Variants in EYA3 observed in about 807,000 individuals in gnomAD.
EYA3 encodes the protein protein phosphatase EYA3.
A neutral mutation model predicts 80.0 loss-of-function variants in EYA3; 39 were observed. The observed-to-expected ratio is 0.49, with a 90% CI of 0.38 to 0.64. The LOEUF is 0.64. Among genes scored for constraint, EYA3 ranks in the 30% least tolerant of loss-of-function variants. The pLI is 0.00. For missense variants in EYA3, 523 were observed against 676.1 expected (o/e 0.77, Z 2.51); for synonymous variants, 206 against 232.8 (o/e 0.88, Z 1.05).
intron 8 of EYA3, among the ~76,000 whole-genome samples, chr1:28,015,906 AG>A (rs1171910632): frequency 1.3e-5 from 2 of 152,202 alleles, no homozygotes; most frequent in Admixed American, 6.5e-5. Flanking sequence ...TACTTCTGGA[AG>A]ACAAAGAGAC....
Position 28,069,548 on chromosome 1 carries a change from T to TA in EYA3, c.-68-11455dup, listed in dbSNP as rs11323301. 4.8e-3 allele frequency among the ~76,000 whole-genome samples: 534 copies of TA among 111,572 alleles called. 2 individuals carry two copies. Among genetic ancestry groups the TA allele is most frequent in the Middle Eastern group, 0.018 (3 of 170 alleles). 73.2% of individuals were successfully genotyped at this position (111,572 alleles called of 152,430 possible). ...AACACAGCAAGAGACCCAATCTATT[T>TA]AAAAAAAAAAAAAAAAGAGAGAGAA... On this transcript the variant is annotated intron_variant, in intron 1 of 17. Transcript: ENST00000373871.
At chr1:27,991,386 C>T (rs954499940) in intron 14 of EYA3, among the ~76,000 whole-genome samples, 10 of 152,090 alleles carry the variant, frequency 6.6e-5, no homozygotes, top group Admixed American at 3.3e-4. Flanking sequence ...GAAACAACTC[C>T]AACTGATAAG....
intron 10 of EYA3, among the ~76,000 whole-genome samples, chr1:28,005,037 A>G (rs1641169886): frequency 6.6e-6 from 1 of 152,214 alleles, no homozygotes; most frequent in Non-Finnish European, 1.5e-5. Flanking sequence ...AAGGATTACA[A>G]GAGAATACTA....
At chr1:27,983,951 G>C (rs752803060) in intron 16 of EYA3, among the ~76,000 whole-genome samples, 1 of 151,974 alleles carries the variant, frequency 6.6e-6, no homozygotes, top group Non-Finnish European at 1.5e-5. Context: ...CATTAAGCCT[G>C]GCAGTTCTTC....
intron 1 of EYA3, among the ~76,000 whole-genome samples, chr1:28,075,654 T>C (rs1380033637): frequency 6.6e-6 from 1 of 152,194 alleles, no homozygotes; most frequent in East Asian, 1.9e-4. Context: ...AGTTTGCTGT[T>C]TTTGCCAAGA....
chr1:28,034,023 G>A (rs1289344363), intron 6 of EYA3, among the ~76,000 whole-genome samples: 1 of 151,862 alleles, frequency 6.6e-6, no homozygotes, highest in East Asian at 2.0e-4. Flanking sequence ...GTGAAACCCT[G>A]TCTCTACTAA....
chr1:28,084,554 AAAATATAT>A (rs1439753441), intron 1 of EYA3, among the ~76,000 whole-genome samples: 22 of 58,074 alleles, frequency 3.8e-4, no homozygotes, highest in African/African-American at 1.7e-3. Context: ...TGACTATTCC[AAAATATAT>A]ATATATATAT....
chr1:28,044,214 T>C (rs1467256697), intron 3 of EYA3, among the ~76,000 whole-genome samples: 5 of 152,228 alleles, frequency 3.3e-5, no homozygotes, highest in South Asian at 2.1e-4. Context: ...TGTCCCATTA[T>C]AGCACAGTGG....
intron 1 of EYA3, among the ~76,000 whole-genome samples, chr1:28,073,302 T>C (rs1645095735): frequency 7.1e-6 from 1 of 140,778 alleles, no homozygotes; most frequent in Non-Finnish European, 1.5e-5. Flanking sequence ...CCAGCTAATT[T>C]TTTTTTTTTT....
intron 1 of EYA3, among the ~76,000 whole-genome samples, chr1:28,060,021 T>C (rs946608550): frequency 6.6e-6 from 1 of 152,204 alleles, no homozygotes; most frequent in African/African-American, 2.4e-5. Flanking sequence ...AAGTTGTTGA[T>C]TTTTTGTGTG....
At position 28,058,037 on chromosome 1, in the gene EYA3, ATTTC is replaced by A; in HGVS notation, c.-15_-12del. 1.3e-6 allele frequency: 2 copies of A among 1,584,782 alleles called. No homozygotes were observed. The highest frequency in any genetic ancestry group is 1.1e-5 in the South Asian group (1 of 86,978). On this transcript the variant is annotated 5_prime_UTR_variant, in exon 2 of 18. Coordinates refer to ENST00000373871, the MANE Select transcript of EYA3 (RefSeq NM_001990.4). ...TTGCTCTTCTTCCATGAGGACCAAT[ATTTC>A]TTTATTATACTTATGTGACTGGATT...
chr1:28,025,559 C>T (rs918493784), intron 7 of EYA3, among the ~76,000 whole-genome samples: 2 of 152,146 alleles, frequency 1.3e-5, no homozygotes, highest in Non-Finnish European at 2.9e-5. Context: ...GTGAGGATTA[C>T]GTGTGCAACA....
At chr1:28,069,060 G>A (rs1243639026) in intron 1 of EYA3, among the ~76,000 whole-genome samples, 1 of 152,132 alleles carries the variant, frequency 6.6e-6, no homozygotes, top group East Asian at 1.9e-4. Flanking sequence ...GCCCGCCTTG[G>A]CCTCCCAAAG....
intron 2 of EYA3, among the ~76,000 whole-genome samples, chr1:28,057,236 T>C (rs1009787258): frequency 1.4e-4 from 21 of 152,130 alleles, no homozygotes; most frequent in African/African-American, 5.1e-4. Context: ...TATCCTATTA[T>C]TTGCTTTCAA....
chr1:28,084,568 TATATATATATATATATATATATA>T (rs1557659292), intron 1 of EYA3, among the ~76,000 whole-genome samples: 1 of 9,204 alleles, frequency 1.1e-4, no homozygotes, highest in African/African-American at 4.1e-4. Context: ...TATATATATA[TATATATATATATATATATATATA>T]TATATTTTTT....
At chr1:28,018,066 C>T (rs764829996) in intron 7 of EYA3, among the ~76,000 whole-genome samples, 17 of 151,736 alleles carry the variant, frequency 1.1e-4, no homozygotes, top group Non-Finnish European at 1.9e-4. Flanking sequence ...ATGGTGGGCA[C>T]GGGCCTGTAA....
chr1:28,045,213 T>C (rs1643956760), intron 3 of EYA3, among the ~76,000 whole-genome samples: 1 of 152,232 alleles, frequency 6.6e-6, no homozygotes, highest in Admixed American at 6.5e-5. Context: ...TAAGATGTGA[T>C]TATGGAAATT....
At chr1:28,056,165 C>G (rs1436620755) in intron 2 of EYA3, among the ~76,000 whole-genome samples, 1 of 152,202 alleles carries the variant, frequency 6.6e-6, no homozygotes, top group Non-Finnish European at 1.5e-5. Context: ...AGTGCCCATA[C>G]TCTGAACCAC....
intron 2 of EYA3, among the ~76,000 whole-genome samples, chr1:28,054,410 T>C (rs963359154): frequency 2.0e-5 from 3 of 152,192 alleles, no homozygotes; most frequent in Admixed American, 1.3e-4. Flanking sequence ...ATGTAAACAA[T>C]AGCATACCTA....
Sources: gnomAD v4.1 joint callset for allele counts (sites outside exome capture counted in the v4.1 genomes callset) on GRCh38, gnomAD v4.1.1 for gene constraint, MANE v1.5 for transcripts, NCBI Gene and HGNC (gene_info 2026-07-23, HGNC 2026-07-21) for gene names.